Variants in SKI observed in about 807,000 individuals in gnomAD.
The protein encoded by SKI is SKI proto-oncogene.
In SKI, 23 loss-of-function variants were observed where a neutral mutation model predicts 59.3. The observed-to-expected ratio is 0.39, with a 90% CI of 0.28 to 0.55. The LOEUF (loss-of-function observed/expected upper bound fraction) is 0.55, where lower values mean the gene tolerates loss of function less well. SKI is among the 20% of genes least tolerant of loss of function. SKI has a pLI of 0.67. For missense variants in SKI, 1,017 were observed against 1,038.9 expected (o/e 0.98, Z 0.29); for synonymous variants, 673 against 488.6 (o/e 1.38, Z -4.98).
chr1:2,270,269 G>A lies in SKI; in HGVS notation c.970-32709G>A, dbSNP rs565439197. On this transcript the variant is annotated intron_variant, in intron 1 of 6. Coordinates refer to ENST00000378536, the MANE Select transcript of SKI (RefSeq NM_003036.4). This position sits in a 1 kb window ranked among gnomAD's most constrained non-coding sequence, Gnocchi z 4.1. ...CTGGGTTCGGTCCTGGACCTGCTGCGTGTTATCCTCCCTGCGGGCCTGGCA... is the reference window on the plus strand; with the variant it reads ...CTGGGTTCGGTCCTGGACCTGCTGCATGTTATCCTCCCTGCGGGCCTGGCA... Among the ~76,000 whole-genome samples, 24 of 152,326 alleles carry A rather than the reference G, an allele frequency of 1.6e-4. No homozygotes were observed. The highest frequency in any genetic ancestry group is 1.4e-3 in the Admixed American group (21 of 15,304).
At chr1:2,233,653 G>T (rs1638692033) in intron 1 of SKI, among the ~76,000 whole-genome samples, 1 of 152,146 alleles carries the variant, frequency 6.6e-6, no homozygotes. Flanking sequence ...CCTGGCCCCA[G>T]GCAGCGTTTC....
At chr1:2,275,076 C>G (rs1229982222) in intron 1 of SKI, among the ~76,000 whole-genome samples, 1 of 152,206 alleles carries the variant, frequency 6.6e-6, no homozygotes, top group African/African-American at 2.4e-5. Context: ...AGGTGTTTCT[C>G]CAGCTGAACA....
At chr1:2,250,420 G>A (rs558371293) in intron 1 of SKI, among the ~76,000 whole-genome samples, 2 of 152,310 alleles carry the variant, frequency 1.3e-5, no homozygotes, top group South Asian at 4.1e-4. Context: ...GGAGCAGGAA[G>A]TGGCCCATTT....
At chr1:2,261,256 C>A (rs1449223404) in intron 1 of SKI, among the ~76,000 whole-genome samples, 2 of 152,186 alleles carry the variant, frequency 1.3e-5, no homozygotes, top group African/African-American at 4.8e-5. Context: ...GCTGTTACAG[C>A]TATTCGGGAT....
At chr1:2,306,340 C>T (rs898223477) in intron 6 of SKI, 90 bp downstream of exon 6, 19 of 1,271,592 alleles carry the variant, frequency 1.5e-5, no homozygotes, top group Non-Finnish European at 1.9e-5. Context: ...CCGGAAAGGC[C>T]TTGGAGCAGA....
chr1:2,238,619 C>T (rs1638800642), intron 1 of SKI, among the ~76,000 whole-genome samples: 2 of 152,232 alleles, frequency 1.3e-5, no homozygotes, highest in Non-Finnish European at 2.9e-5. Context: ...ACTCTGACCC[C>T]TGGTCCAGGC....
At chr1:2,274,480 G>A (rs1639699109) in intron 1 of SKI, among the ~76,000 whole-genome samples, 1 of 152,038 alleles carries the variant, frequency 6.6e-6, no homozygotes, top group African/African-American at 2.4e-5. Flanking sequence ...CCAGCCACCC[G>A]AGGGCCCGTG....
chr1:2,264,787 C>A (rs79186872), intron 1 of SKI, among the ~76,000 whole-genome samples: 1 of 152,050 alleles, frequency 6.6e-6, no homozygotes, highest in East Asian at 1.9e-4. Context: ...CTCTTCTTGA[C>A]GGACATGCCT....
At chr1:2,259,382 A>G (rs1192899999) in intron 1 of SKI, among the ~76,000 whole-genome samples, 2 of 152,210 alleles carry the variant, frequency 1.3e-5, no homozygotes, top group African/African-American at 2.4e-5. Flanking sequence ...GAAACTCTTT[A>G]GGATGGAAAA....
intron 1 of SKI, among the ~76,000 whole-genome samples, chr1:2,253,629 T>C (rs940831087): frequency 2.6e-5 from 4 of 152,224 alleles, no homozygotes; most frequent in African/African-American, 7.2e-5. Context: ...CCAGCGCGTG[T>C]GCACTTACTA....
At position 2,284,610 on chromosome 1, in the gene SKI, C is replaced by T. The variant is rs563355590; in HGVS notation, c.970-18368C>T. On this transcript the variant is annotated intron_variant, in intron 1 of 6. Transcript: ENST00000378536. ...GTGGTAGAATTCAAGCTCACACCGG[C>T]CCAGAGGGCCCGCTGTCCGTGTGGA... Among the ~76,000 whole-genome samples the T allele has an allele frequency of 2.1e-4, 32 of 152,300 alleles. No homozygotes were observed. The Middle Eastern group carries it at 0.01, about 49-fold the overall frequency.
intron 1 of SKI, 22 bp from the exon 2 acceptor site, chr1:2,302,956 C>G: frequency 6.2e-7 from 1 of 1,613,372 alleles, no homozygotes. Context: ...CAGGTGCCAA[C>G]AAAACCTTTC....
Position 2,229,168 on chromosome 1 carries a change from C to T in SKI, c.402C>T (p.Phe134=), listed in dbSNP as rs773310002. 7 of 1,611,886 alleles carry T rather than the reference C, an allele frequency of 4.3e-6. No homozygotes were observed. Among genetic ancestry groups the T allele is most frequent in the South Asian group, 1.1e-5 (1 of 90,966 alleles). ...PQILNSVLRD[F]SLQQINAVCD... is the part of the protein sequence containing the mutation. Reference sequence around the variant, plus strand: ...TTCTCAACTCGGTGCTGCGCGACTTCTCGCTGCAGCAGATCAACGCGGTGT... The same window carrying T: ...TTCTCAACTCGGTGCTGCGCGACTTTTCGCTGCAGCAGATCAACGCGGTGT... The change falls in exon 1 of 7, where the codon TTC becomes TTT. Residue 134 remains phenylalanine, a synonymous_variant. Transcript: ENST00000378536. This position sits in a 1 kb window ranked among gnomAD's most constrained non-coding sequence, Gnocchi z 6.3.
intron 1 of SKI, among the ~76,000 whole-genome samples, chr1:2,251,041 G>A (rs982100700): frequency 6.6e-6 from 1 of 152,204 alleles, no homozygotes; most frequent in African/African-American, 2.4e-5. Context: ...GACTTTATCC[G>A]GGTGGGCCAG....
At chr1:2,277,967 A>G (rs1428250911) in intron 1 of SKI, among the ~76,000 whole-genome samples, 1 of 152,128 alleles carries the variant, frequency 6.6e-6, no homozygotes, top group African/African-American at 2.4e-5. Flanking sequence ...ACGTGCACGC[A>G]CACATCAGCA....
chr1:2,253,062 C>T lies in SKI; in HGVS notation c.969+23327C>T, dbSNP rs1216916466. 2.7e-5 allele frequency among the ~76,000 whole-genome samples: 4 copies of T among 149,904 alleles called. No homozygotes were observed. In the East Asian group the frequency reaches 7.8e-4, roughly 29 times the overall value. ...AGTGAGCCCAGGTCATGCCACTGTA[C>T]TGCAGCCTGGGTGATGGAGTGAGAC... On this transcript the variant is annotated intron_variant, in intron 1 of 6. Transcript: ENST00000378536.
At chr1:2,264,222 A>G (rs1483211257) in intron 1 of SKI, among the ~76,000 whole-genome samples, 1 of 152,172 alleles carries the variant, frequency 6.6e-6, no homozygotes, top group Non-Finnish European at 1.5e-5. Context: ...TAGGTATAGA[A>G]TTATAGGTTG....
intron 1 of SKI, among the ~76,000 whole-genome samples, chr1:2,258,573 G>C (rs1454967468): frequency 7.9e-6 from 1 of 126,096 alleles, no homozygotes; most frequent in Non-Finnish European, 1.6e-5. Context: ...TTTTGTTTTT[G>C]AGTCAGAGTC....
In SKI at chr1:2,303,991, C is replaced by A; in HGVS notation, c.1363C>A (p.Arg455=). The change falls in exon 4 of 7, where the codon CGG becomes AGG. Residue 455 remains arginine (R), a synonymous_variant. Coordinates refer to ENST00000378536, the MANE Select transcript of SKI (RefSeq NM_003036.4). The surrounding 1 kb of genome is among the most constrained non-coding windows in gnomAD (Gnocchi z 5.6). ...PLATCTQPRK[R]KLTVDTPGAP... is the part of the protein sequence containing the mutation. Reference sequence around the variant, plus strand: ...CGCCACTTGCACCCAGCCTCGGAAGCGGAAGCTGACTGTGGACACCCCAGG... The same window carrying A: ...CGCCACTTGCACCCAGCCTCGGAAGAGGAAGCTGACTGTGGACACCCCAGG... The A allele has an allele frequency of 6.2e-7, 1 of 1,612,502 alleles. No individual in the cohort carries two copies. Among genetic ancestry groups the A allele is most frequent in the East Asian group, 2.2e-5 (1 of 44,852 alleles).
Sources: gnomAD v4.1 joint callset for allele counts (sites outside exome capture counted in the v4.1 genomes callset) on GRCh38, gnomAD v4.1.1 for gene constraint, Gnocchi (gnomAD v3.1) non-coding constraint, MANE v1.5 for transcripts, NCBI Gene and HGNC (gene_info 2026-07-23, HGNC 2026-07-21) for gene names.